Variants in TBKBP1 observed in about 807,000 individuals in gnomAD.
The protein encoded by TBKBP1 is TANK-binding kinase 1-binding protein 1.
Under a neutral mutation model 69.9 loss-of-function variants are expected in TBKBP1, and 47 were observed. The ratio of observed to expected loss-of-function variants is 0.67; its 90% CI spans 0.53 to 0.86. The LOEUF (loss-of-function observed/expected upper bound fraction) is 0.86. Among genes scored for constraint, TBKBP1 ranks in the 40% least tolerant of loss-of-function variants. The pLI, the probability that TBKBP1 is intolerant of heterozygous loss-of-function variation, is 0.00. For synonymous variants in TBKBP1, 418 were observed against 390.3 expected (o/e 1.07, Z -0.84); for missense variants, 831 against 858.6 (o/e 0.97, Z 0.40).
At chr17:47,694,397 G>A (rs1307846441) in intron 1 of TBKBP1, among the ~76,000 whole-genome samples, 3 of 151,874 alleles carry the variant, frequency 2.0e-5, no homozygotes, top group African/African-American at 4.8e-5. Flanking sequence ...CGCCACTCCC[G>A]GAGCCCCTTC....
At chr17:47,710,462 C>T (rs2031884703) in intron 9 of TBKBP1, 36 bp from the exon 10 acceptor site, 2 of 1,588,364 alleles carry the variant, frequency 1.3e-6, no homozygotes, top group African/African-American at 1.3e-5. Flanking sequence ...TGGGTGGGGG[C>T]TGGGGACCAT....
In TBKBP1 at chr17:47,708,190, A is replaced by G. The variant is rs2031761401; in HGVS notation, c.873-204A>G. On this transcript the variant is annotated intron_variant, in intron 7 of 9. Coordinates refer to ENST00000578982, the MANE Select transcript of TBKBP1 (RefSeq NM_001394755.1). The surrounding 1 kb of genome is among the most constrained non-coding windows in gnomAD (Gnocchi z 4.4). The stretch of plus-strand genomic sequence containing the variant: ...CCTAGCCCAGGGAATGGGTCTCAGG[A>G]TGCAGAGGGAGTCTCCCTGGAAGAG... Among the ~76,000 whole-genome samples, 2 of 152,166 alleles carry G rather than the reference A, an allele frequency of 1.3e-5. No individual in the cohort carries two copies. The highest frequency in any genetic ancestry group is 4.8e-5 in the African/African-American group (2 of 41,444).
intron 7 of TBKBP1, among the ~76,000 whole-genome samples, chr17:47,703,080 G>T (rs947819941): frequency 6.6e-6 from 1 of 152,124 alleles, no homozygotes; most frequent in African/African-American, 2.4e-5. Context: ...GGGCTCATCT[G>T]TGCGGGGTCC....
intron 7 of TBKBP1, among the ~76,000 whole-genome samples, chr17:47,700,433 C>A (rs1353517961): frequency 1.3e-5 from 2 of 151,386 alleles, no homozygotes; most frequent in African/African-American, 4.9e-5. Flanking sequence ...CTCTGGGGCC[C>A]AAACCCATCT....
Position 47,696,789 on chromosome 17 carries a change from GAGA to G in TBKBP1, c.307_309del (p.Lys103del). 1 of 1,613,944 alleles carries G rather than the reference GAGA, an allele frequency of 6.2e-7. No homozygotes were observed. On this transcript the variant is annotated inframe_deletion, in exon 3 of 10. Transcript: ENST00000578982. ...CAAGGATGGCTCCCTGCTGGAGGTG[GAGA>G]AGGTCAGCCTGCAGCAACGGCTCAA...
chr17:47,709,396 CCCGCCG>C lies in TBKBP1; in HGVS notation c.1666_1671del (p.Ala556_Ala557del), dbSNP rs746815088. 1 of 1,535,524 alleles carries C rather than the reference CCCGCCG, an allele frequency of 6.5e-7. No individual in the cohort carries two copies. The highest frequency in any genetic ancestry group is 1.2e-5 in the South Asian group (1 of 83,934). ...CGCGGGCTTCCCCATCCCCGAGTCG[CCCGCCG>C]CCACCGCCTACGCCCACGCCGAGCA... On this transcript the variant is annotated inframe_deletion, in exon 9 of 10. Coordinates refer to ENST00000578982, the MANE Select transcript of TBKBP1 (RefSeq NM_001394755.1).
intron 1 of TBKBP1, among the ~76,000 whole-genome samples, chr17:47,694,410 C>CGGA (rs2031118511): frequency 6.6e-6 from 1 of 151,920 alleles, no homozygotes; most frequent in South Asian, 2.1e-4. Context: ...GCCCCTTCCC[C>CGGA]GGCCCCGAGA....
intron 7 of TBKBP1, 65 bp downstream of exon 7, chr17:47,699,762 G>A (rs1445007925): frequency 6.3e-7 from 1 of 1,589,230 alleles, no homozygotes; most frequent in Non-Finnish European, 8.6e-7. Context: ...CCAGCCCTCA[G>A]GGGTGTGGTG....
intron 7 of TBKBP1, among the ~76,000 whole-genome samples, chr17:47,702,018 G>C (rs141229858): frequency 2.6e-5 from 4 of 152,352 alleles, no homozygotes; most frequent in Non-Finnish European, 5.9e-5. Flanking sequence ...CAGGCCGAGC[G>C]AGCATCTCTG....
intron 7 of TBKBP1, among the ~76,000 whole-genome samples, chr17:47,703,931 A>G (rs1003452254): frequency 3.9e-5 from 6 of 152,238 alleles, no homozygotes; most frequent in African/African-American, 9.6e-5. Context: ...TCCTGAGCAG[A>G]TCGGGTGATG....
chr17:47,694,963 G>T (rs1382935863), intron 1 of TBKBP1, among the ~76,000 whole-genome samples: 1 of 151,928 alleles, frequency 6.6e-6, no homozygotes, highest in Non-Finnish European at 1.5e-5. Context: ...CGACCTGGGG[G>T]CCCCGCTGTC....
In TBKBP1 at chr17:47,708,876, G is replaced by C. The variant is rs2031799053; in HGVS notation, c.1143G>C (p.Gln381His). 7.1e-7 allele frequency: 1 copy of C among 1,409,168 alleles called. No homozygotes were observed. Among genetic ancestry groups the C allele is most frequent in the Non-Finnish European group, 9.2e-7 (1 of 1,086,880 alleles). 87.3% of individuals were successfully genotyped at this position (1,409,168 alleles called of 1,614,324 possible). The change falls in exon 9 of 10, where the codon CAG becomes CAC. Residue 381 changes from glutamine (Q) to histidine (H), a missense_variant. Transcript: ENST00000578982. The surrounding 1 kb of genome is among the most constrained non-coding windows in gnomAD (Gnocchi z 4.4). ...CCGTGCCCCCGTGCCCCTCGCCGCA[G>C]CAGCGCCGCTCTCCGGCCTCACCCT... ...RSPVPPCPSP[Q>H]QRRSPASPSC...
chr17:47,705,699 GT>G (rs1162628139), intron 7 of TBKBP1, among the ~76,000 whole-genome samples: 6 of 152,218 alleles, frequency 3.9e-5, no homozygotes, highest in Admixed American at 6.5e-5. Flanking sequence ...AATTGGCAGT[GT>G]TTTCAGTGAG....
intron 7 of TBKBP1, among the ~76,000 whole-genome samples, chr17:47,705,320 G>A (rs114690068): frequency 2.2e-3 from 328 of 152,272 alleles, no homozygotes; most frequent in African/African-American, 7.5e-3. Context: ...ACCTCTGTAA[G>A]CCTCAGTTTT....
chr17:47,707,246 C>T (rs1480688957), intron 7 of TBKBP1, among the ~76,000 whole-genome samples: 1 of 152,222 alleles, frequency 6.6e-6, no homozygotes. Flanking sequence ...AGGGAGGGCT[C>T]CTGGGGCCGT....
At chr17:47,701,775 C>T (rs2031515572) in intron 7 of TBKBP1, among the ~76,000 whole-genome samples, 1 of 152,254 alleles carries the variant, frequency 6.6e-6, no homozygotes, top group Admixed American at 6.5e-5. Context: ...ATCATCCACG[C>T]TGCCCATTCT....
chr17:47,700,958 C>A (rs1294678431), intron 7 of TBKBP1, among the ~76,000 whole-genome samples: 1 of 152,164 alleles, frequency 6.6e-6, no homozygotes, highest in African/African-American at 2.4e-5. Flanking sequence ...CCTCTTTCCG[C>A]CTAAGTCCTC....
chr17:47,700,598 G>C (rs1422563052), intron 7 of TBKBP1, among the ~76,000 whole-genome samples: 1 of 152,060 alleles, frequency 6.6e-6, no homozygotes, highest in Non-Finnish European at 1.5e-5. Flanking sequence ...CCCCTCCCTA[G>C]TGAGGAAGAG....
chr17:47,709,498 G>A lies in TBKBP1; in HGVS notation c.1719+46G>A, dbSNP rs113693372. 1.2e-5 allele frequency: 18 copies of A among 1,454,818 alleles called. No homozygotes were observed. The African/African-American group carries it at 1.5e-4, about 12-fold the overall frequency. 90.1% of individuals were successfully genotyped at this position (1,454,818 alleles called of 1,614,324 possible). On this transcript the variant is annotated intron_variant, in intron 9 of 9. Coordinates refer to ENST00000578982, the MANE Select transcript of TBKBP1 (RefSeq NM_001394755.1). ...CCGCCCACCCCGGACCGGGCCTTGA[G>A]ATTGAGACCCCAGCGCCTCACCCTC...
Sources: allele counts gnomAD v4.1 joint callset (sites outside exome capture counted in the v4.1 genomes callset), GRCh38; gene constraint gnomAD v4.1.1; non-coding constraint Gnocchi (gnomAD v3.1); transcripts MANE v1.5; gene names NCBI Gene and HGNC (gene_info 2026-07-23, HGNC 2026-07-21).